Variants in GNL1 observed in about 807,000 individuals in gnomAD.
GNL1 encodes the protein G protein nucleolar 1.
Under a neutral mutation model 75.2 loss-of-function variants are expected in GNL1, and 21 were observed. The observed-to-expected ratio is 0.28, with a 90% CI of 0.20 to 0.40. The LOEUF (loss-of-function observed/expected upper bound fraction) is 0.40. Among genes scored for constraint, GNL1 ranks in the 10% least tolerant of loss-of-function variants. GNL1 has a pLI of 1.00. For synonymous variants in GNL1, 287 were observed against 303.4 expected (o/e 0.95, Z 0.56); for missense variants, 579 against 775.0 (o/e 0.75, Z 3.00).
Position 30,555,976 on chromosome 6 carries a change from T to G in GNL1, c.73+155A>C. 1 of 963,008 alleles carries G rather than the reference T, an allele frequency of 1.0e-6. No individual in the cohort carries two copies. The highest frequency in any genetic ancestry group is 1.5e-5 in the South Asian group (1 of 66,648). The allele number at this position is 963,008 out of a possible 1,614,324, so 59.7% of individuals were successfully genotyped here. ...CATCCTTCCCCACCCCTTCCAGATG[T>G]AGGGGGGGTGGGGGATCCCCTCCGC... On this transcript the variant is annotated intron_variant, in intron 1 of 11. Coordinates refer to ENST00000376621, the MANE Select transcript of GNL1 (RefSeq NM_005275.5). This position sits in a 1 kb window ranked among gnomAD's most constrained non-coding sequence, Gnocchi z 4.3.
intron 8 of GNL1, among the ~76,000 whole-genome samples, chr6:30,551,129 G>A (rs988209779): frequency 2.6e-5 from 4 of 152,136 alleles, no homozygotes; most frequent in Admixed American, 6.5e-5. Flanking sequence ...GTACATATTT[G>A]TTGAATGGGT....
intron 8 of GNL1, among the ~76,000 whole-genome samples, chr6:30,550,483 C>G (rs1799708299): frequency 6.6e-6 from 1 of 152,140 alleles, no homozygotes; most frequent in African/African-American, 2.4e-5. Context: ...GCTTCCGGCC[C>G]TGTCTCACCA....
Position 30,546,552 on chromosome 6 carries a change from G to A in GNL1, c.1582+144C>T. The A allele has an allele frequency of 1.3e-6, 1 of 755,530 alleles. No individual in the cohort carries two copies. Among genetic ancestry groups the A allele is most frequent in the Non-Finnish European group, 2.2e-6 (1 of 448,500 alleles). 46.8% of individuals were successfully genotyped at this position (755,530 alleles called of 1,614,324 possible). A position where few individuals can be genotyped will look rare whatever the true frequency, so the allele number is the denominator to read the frequency against. On this transcript the variant is annotated intron_variant, in intron 11 of 11. Transcript: ENST00000376621. This position sits in a 1 kb window ranked among gnomAD's most constrained non-coding sequence, Gnocchi z 5.1. ...GGTCAATTATTACCCTCAGTTTGCA[G>A]ATCAGGAAAATATCACAGATGTTAA...
At chr6:30,550,440 G>A (rs1022216362) in intron 8 of GNL1, among the ~76,000 whole-genome samples, 8 of 151,864 alleles carry the variant, frequency 5.3e-5, no homozygotes, top group African/African-American at 1.5e-4. Flanking sequence ...AGCCATCAGC[G>A]ATCTCATTTT....
chr6:30,553,112 T>C lies in GNL1; in HGVS notation c.876A>G (p.Arg292=). 1 of 1,613,564 alleles carries C rather than the reference T, an allele frequency of 6.2e-7. No homozygotes were observed. Reference sequence around the variant, plus strand: ...TCCCCACAGTGATGGCTTCACAGGCTCTCAGCAACTGCTCTGGCCCCAGGG... The same window carrying C: ...TCCCCACAGTGATGGCTTCACAGGCCCTCAGCAACTGCTCTGGCCCCAGGG... ...TRALGPEQLL[R]ACEAITVGKV... is the part of the protein sequence containing the mutation. Residue 292 remains arginine, a synonymous_variant, in exon 7 of 12, where the codon AGA becomes AGG. Transcript: ENST00000376621.
In GNL1 at chr6:30,545,961, G is replaced by T; in HGVS notation, c.*111C>A. 1 of 783,888 alleles carries T rather than the reference G, an allele frequency of 1.3e-6. No individual in the cohort carries two copies. Among genetic ancestry groups the T allele is most frequent in the African/African-American group, 1.8e-5 (1 of 56,374 alleles). The allele number at this position is 783,888 out of a possible 1,614,324, so 48.6% of individuals were successfully genotyped here. A position where few individuals can be genotyped will look rare whatever the true frequency, so the allele number is the denominator to read the frequency against. ...CTCACCTCAGTTCATCTGGGGAAGGGGCTACAAAGCAAACAATCTTTATTC... is the reference window on the plus strand; with the variant it reads ...CTCACCTCAGTTCATCTGGGGAAGGTGCTACAAAGCAAACAATCTTTATTC... On this transcript the variant is annotated 3_prime_UTR_variant, in exon 12 of 12. Coordinates refer to ENST00000376621, the MANE Select transcript of GNL1 (RefSeq NM_005275.5).
rs1033005769 is a variant in GNL1 at position 30,543,803 on chromosome 6, G to A, written c.*2269C>T. 7.2e-5 allele frequency: 11 copies of A among 152,170 alleles called. No individual in the cohort carries two copies. Among genetic ancestry groups the A allele is most frequent in the African/African-American group, 2.4e-4 (10 of 41,434 alleles). The allele number at this position is 152,170 out of a possible 1,614,324, so 9.4% of individuals were successfully genotyped here. A position where few individuals can be genotyped will look rare whatever the true frequency, so the allele number is the denominator to read the frequency against. ...CACACACAGCTACCCTGTTCCAGAA[G>A]CAGGACTATAATCCCATCTGGAAAA... On this transcript the variant is annotated 3_prime_UTR_variant, in exon 12 of 12. Transcript: ENST00000376621.
rs1281164432 is a variant in GNL1 at position 30,541,747 on chromosome 6, A to T, written c.*4325T>A. On this transcript the variant is annotated 3_prime_UTR_variant, in exon 12 of 12. Coordinates refer to ENST00000376621, the MANE Select transcript of GNL1 (RefSeq NM_005275.5). ...TTAGAATTTATAATTTTTACTGCAT[A>T]TTGCAGTTACTCGTATATTACTGAC... 3 of 152,162 alleles carry T rather than the reference A, an allele frequency of 2.0e-5. No homozygotes were observed. The highest frequency in any genetic ancestry group is 4.8e-5 in the African/African-American group (2 of 41,420). 9.4% of individuals were successfully genotyped at this position (152,162 alleles called of 1,614,324 possible).
intron 5 of GNL1, among the ~76,000 whole-genome samples, chr6:30,553,917 G>A (rs1404308154): frequency 6.6e-6 from 1 of 152,232 alleles, no homozygotes; most frequent in African/African-American, 2.4e-5. Context: ...GTGTGTACAC[G>A]TGCATATATG....
rs768202381 is a variant in GNL1, at chr6:30,547,182, G to A, written c.1371C>T (p.Leu457=). The stretch of plus-strand genomic sequence containing the variant: ...CCTCAGCCTCTGGGTGGCGCAGGTG[G>A]AGCAGGGCCTGCACGGGAATTCGGG... ...LASRIPVQAL[L]HLRHPEAEDP... The change falls in exon 10 of 12, where the codon CTC becomes CTT. Residue 457 remains leucine, a synonymous_variant. Transcript: ENST00000376621. This position sits in a 1 kb window ranked among gnomAD's most constrained non-coding sequence, Gnocchi z 5.5. The A allele has an allele frequency of 1.1e-5, 18 of 1,613,006 alleles. No homozygotes were observed. The highest frequency in any genetic ancestry group is 1.5e-5 in the Non-Finnish European group (18 of 1,179,648).
Position 30,555,891 on chromosome 6 carries a change from C to T in GNL1, c.74-171G>A, listed in dbSNP as rs1800137412. The T allele has an allele frequency of 6.1e-6, 5 of 821,962 alleles. No homozygotes were observed. The East Asian group carries it at 1.1e-4, about 18-fold the overall frequency. The allele number at this position is 821,962 out of a possible 1,614,324, so 50.9% of individuals were successfully genotyped here. On this transcript the variant is annotated intron_variant, in intron 1 of 11. Coordinates refer to ENST00000376621, the MANE Select transcript of GNL1 (RefSeq NM_005275.5). The surrounding 1 kb of genome is among the most constrained non-coding windows in gnomAD (Gnocchi z 4.3). ...ATGTGCGTGGGGGGAGTCACTCCTT[C>T]AGGGAGCAGTGGGGACGGCGCCCCG...
chr6:30,542,315 C>T lies in GNL1; in HGVS notation c.*3757G>A, dbSNP rs1799214325. The stretch of plus-strand genomic sequence containing the variant: ...CTTCCTTCCTTCCTTCCTCCCCTAG[C>T]TTCATCACACCACGTTACTAGGTTT... On this transcript the variant is annotated 3_prime_UTR_variant, in exon 12 of 12. Coordinates refer to ENST00000376621, the MANE Select transcript of GNL1 (RefSeq NM_005275.5). The surrounding 1 kb of genome is among the most constrained non-coding windows in gnomAD (Gnocchi z 4.5). 6.6e-6 allele frequency: 1 copy of T among 152,370 alleles called. No individual in the cohort carries two copies. Among genetic ancestry groups the T allele is most frequent in the Non-Finnish European group, 1.5e-5 (1 of 68,084 alleles). The allele number at this position is 152,370 out of a possible 1,614,324, so 9.4% of individuals were successfully genotyped here.
At position 30,547,287 on chromosome 6, in the gene GNL1, A is replaced by G; in HGVS notation, c.1279-13T>C. On this transcript the variant is annotated splice_polypyrimidine_tract_variant and intron_variant, in intron 9 of 11. Coordinates refer to ENST00000376621, the MANE Select transcript of GNL1 (RefSeq NM_005275.5). This position sits in a 1 kb window ranked among gnomAD's most constrained non-coding sequence, Gnocchi z 5.5. ...TCCCTGCCAGAACCTGAGGGAAATG[A>G]GCACTCAGTACTTTCCTCAATGTCC... 2 of 1,584,390 alleles carry G rather than the reference A, an allele frequency of 1.3e-6. No homozygotes were observed. The highest frequency in any genetic ancestry group is 1.4e-5 in the African/African-American group (1 of 74,066).
chr6:30,542,428 T>C lies in GNL1; in HGVS notation c.*3644A>G, dbSNP rs1170183323. 2 of 152,464 alleles carry C rather than the reference T, an allele frequency of 1.3e-5. No homozygotes were observed. Among genetic ancestry groups the C allele is most frequent in the African/African-American group, 4.8e-5 (2 of 41,422 alleles). 9.4% of individuals were successfully genotyped at this position (152,464 alleles called of 1,614,324 possible). A position where few individuals can be genotyped will look rare whatever the true frequency, so the allele number is the denominator to read the frequency against. On this transcript the variant is annotated 3_prime_UTR_variant, in exon 12 of 12. Coordinates refer to ENST00000376621, the MANE Select transcript of GNL1 (RefSeq NM_005275.5). This position sits in a 1 kb window ranked among gnomAD's most constrained non-coding sequence, Gnocchi z 4.5. ...GCCTTCTCTGCTCCCCACACCTATA[T>C]GTTGATGATGCCCAAATCTCTGTCT...
rs970460413 is a variant in GNL1 at position 30,552,129 on chromosome 6, G to A, written c.1099+338C>T. 3.3e-5 allele frequency: 9 copies of A among 274,510 alleles called. No individual in the cohort carries two copies. The highest frequency in any genetic ancestry group is 1.3e-4 in the African/African-American group (6 of 46,056). The allele number at this position is 274,510 out of a possible 1,614,324, so 17.0% of individuals were successfully genotyped here. ...TCCTCCCACCTCAGCCTCCCAAAGCGCTGGGACTATATAGGCATGAGCCCT... is the reference window on the plus strand; with the variant it reads ...TCCTCCCACCTCAGCCTCCCAAAGCACTGGGACTATATAGGCATGAGCCCT... On this transcript the variant is annotated intron_variant, in intron 8 of 11. Transcript: ENST00000376621. The surrounding 1 kb of genome is among the most constrained non-coding windows in gnomAD (Gnocchi z 4.5).
chr6:30,550,734 C>T (rs1799725341), intron 8 of GNL1, among the ~76,000 whole-genome samples: 1 of 152,198 alleles, frequency 6.6e-6, no homozygotes, highest in Non-Finnish European at 1.5e-5. Flanking sequence ...CAGGGCTCTA[C>T]ATGATGTGGG....
rs995306367 is a variant in GNL1, at chr6:30,552,798, G to C, written c.905-137C>G. ...TGCCAACCTAAATAAGAGCAGGTCA[G>C]AGAATCTCCCAAAAGTCATTTGACC... On this transcript the variant is annotated intron_variant, in intron 7 of 11. Coordinates refer to ENST00000376621, the MANE Select transcript of GNL1 (RefSeq NM_005275.5). This position sits in a 1 kb window ranked among gnomAD's most constrained non-coding sequence, Gnocchi z 4.5. The C allele has an allele frequency of 3.3e-5, 25 of 765,452 alleles. No homozygotes were observed. Among genetic ancestry groups the C allele is most frequent in the Non-Finnish European group, 5.0e-5 (24 of 483,122 alleles). 47.4% of individuals were successfully genotyped at this position (765,452 alleles called of 1,614,324 possible).
rs1800139545 is a variant in GNL1 at position 30,555,915 on chromosome 6, C to T, written c.74-195G>A. Reference sequence around the variant, plus strand: ...TCAGGGAGCAGTGGGGACGGCGCCCCGTGCTAGCTGGAGGGATTCCCCTCC... The same window carrying T: ...TCAGGGAGCAGTGGGGACGGCGCCCTGTGCTAGCTGGAGGGATTCCCCTCC... On this transcript the variant is annotated intron_variant, in intron 1 of 11. Coordinates refer to ENST00000376621, the MANE Select transcript of GNL1 (RefSeq NM_005275.5). The surrounding 1 kb of genome is among the most constrained non-coding windows in gnomAD (Gnocchi z 4.3). 3 of 787,882 alleles carry T rather than the reference C, an allele frequency of 3.8e-6. No homozygotes were observed. Among genetic ancestry groups the T allele is most frequent in the African/African-American group, 1.7e-5 (1 of 57,934 alleles). The allele number at this position is 787,882 out of a possible 1,614,324, so 48.8% of individuals were successfully genotyped here. A position where few individuals can be genotyped will look rare whatever the true frequency, so the allele number is the denominator to read the frequency against.
At position 30,555,323 on chromosome 6, in the gene GNL1, T is replaced by C. The variant is rs1346952416; in HGVS notation, c.240-132A>G. 1.9e-6 allele frequency: 2 copies of C among 1,059,102 alleles called. No individual in the cohort carries two copies. The highest frequency in any genetic ancestry group is 1.4e-6 in the Non-Finnish European group (1 of 722,366). 65.6% of individuals were successfully genotyped at this position (1,059,102 alleles called of 1,614,324 possible). On this transcript the variant is annotated intron_variant, in intron 2 of 11. Transcript: ENST00000376621. This position sits in a 1 kb window ranked among gnomAD's most constrained non-coding sequence, Gnocchi z 4.3. ...TCAAGTCTCCTCTCTCAAGTCAGAC[T>C]TCCCCCAAGTCCTTCTTTCAGGCAA...
Sources: allele counts gnomAD v4.1 joint callset (sites outside exome capture counted in the v4.1 genomes callset), GRCh38; gene constraint gnomAD v4.1.1; non-coding constraint Gnocchi (gnomAD v3.1); transcripts MANE v1.5; gene names NCBI Gene and HGNC (gene_info 2026-07-23, HGNC 2026-07-21).